The following VMP1 variants were observed in gnomAD, a reference collection of about 807,000 sequenced individuals.
VMP1 encodes ectopic P-granules autophagy protein 3 homolog.
In VMP1, 11 loss-of-function variants were observed where a neutral mutation model predicts 56.0. The observed-to-expected ratio is 0.20, with a 90% CI of 0.12 to 0.32. VMP1 has a LOEUF of 0.32. Ranked by LOEUF, VMP1 falls within the 10% of genes least tolerant of loss-of-function variation. The pLI, the probability that VMP1 is intolerant of heterozygous loss-of-function variation, is 1.00. For synonymous variants in VMP1, 149 were observed against 165.0 expected, an observed-to-expected ratio of 0.90 and a Z score of 0.74; for missense variants, 296 against 490.3, an observed-to-expected ratio of 0.60 and a Z score of 3.74.
chr17:59,716,232 A>G (rs1241546701), intron 1 of VMP1, among the ~76,000 whole-genome samples: 1 of 152,196 alleles, frequency 6.6e-6, no homozygotes, highest in Non-Finnish European at 1.5e-5. Flanking sequence ...TTTAGTGTAC[A>G]CAACAGTCCA....
At chr17:59,837,402 C>T (rs559131957) in intron 10 of VMP1, among the ~76,000 whole-genome samples, 6 of 152,212 alleles carry the variant, frequency 3.9e-5, no homozygotes, top group African/African-American at 1.4e-4. Context: ...TTCTAAGTTG[C>T]CCCAAGCTAC....
At chr17:59,747,801 A>G (rs976948839) in intron 5 of VMP1, among the ~76,000 whole-genome samples, 6 of 151,948 alleles carry the variant, frequency 3.9e-5, no homozygotes, top group Non-Finnish European at 7.4e-5. Context: ...AAGTTGAGGT[A>G]GGAAGACTAC....
intron 10 of VMP1, 81 bp downstream of exon 10, chr17:59,817,854 G>T: frequency 8.8e-7 from 1 of 1,131,272 alleles, no homozygotes; most frequent in South Asian, 1.7e-5. Flanking sequence ...AATTGAAATA[G>T]AATTTTTGAC....
At chr17:59,751,756 A>AG (rs1168163527) in intron 5 of VMP1, among the ~76,000 whole-genome samples, 5 of 151,416 alleles carry the variant, frequency 3.3e-5, no homozygotes, top group African/African-American at 4.8e-5. Flanking sequence ...AAAAAAAAAA[A>AG]AAAAAAAAAA....
chr17:59,789,187 G>A (rs2037124968), intron 7 of VMP1, among the ~76,000 whole-genome samples: 1 of 151,256 alleles, frequency 6.6e-6, no homozygotes, highest in South Asian at 2.1e-4. Flanking sequence ...CTACTCTGGA[G>A]GCTGAGGCAG....
intron 1 of VMP1, among the ~76,000 whole-genome samples, chr17:59,711,211 T>C (rs1243423063): frequency 1.3e-5 from 2 of 152,156 alleles, no homozygotes; most frequent in African/African-American, 4.8e-5. Context: ...TATAGAGCCA[T>C]TTCTCTAGTT....
At chr17:59,793,909 G>A (rs2037329277) in intron 7 of VMP1, among the ~76,000 whole-genome samples, 1 of 150,864 alleles carries the variant, frequency 6.6e-6, no homozygotes, top group Non-Finnish European at 1.5e-5. Context: ...ACAGGCGTGA[G>A]CCACCGCATT....
intron 9 of VMP1, among the ~76,000 whole-genome samples, chr17:59,814,661 A>G (rs2038164791): frequency 2.0e-5 from 3 of 152,206 alleles, no homozygotes; most frequent in Non-Finnish European, 4.4e-5. Flanking sequence ...GTGTTAGAGA[A>G]GGTAAAATAC....
intron 5 of VMP1, among the ~76,000 whole-genome samples, chr17:59,749,099 G>A (rs1309432307): frequency 4.0e-5 from 6 of 150,266 alleles, no homozygotes; most frequent in Non-Finnish European, 7.4e-5. Context: ...ACAGGTGCCC[G>A]CTACTACGCC....
At chr17:59,718,741 A>T (rs966234479) in intron 1 of VMP1, among the ~76,000 whole-genome samples, 1 of 151,856 alleles carries the variant, frequency 6.6e-6, no homozygotes, top group Non-Finnish European at 1.5e-5. Flanking sequence ...TGTGTTTCCC[A>T]GGCTGGTCTG....
chr17:59,778,897 A>G (rs999767338), intron 7 of VMP1, among the ~76,000 whole-genome samples: 5 of 152,200 alleles, frequency 3.3e-5, no homozygotes, highest in Admixed American at 2.6e-4. Context: ...ATGTGGTACC[A>G]TACTCTCACA....
intron 1 of VMP1, among the ~76,000 whole-genome samples, chr17:59,716,408 G>A (rs1038185181): frequency 3.3e-5 from 5 of 152,146 alleles, no homozygotes; most frequent in Admixed American, 3.3e-4. Context: ...TAGTAATGGG[G>A]AACATTTGAA....
chr17:59,762,466 C>T (rs1052594317), intron 5 of VMP1, among the ~76,000 whole-genome samples: 1 of 152,022 alleles, frequency 6.6e-6, no homozygotes, highest in African/African-American at 2.4e-5. Flanking sequence ...AACTTTTAAT[C>T]AAAAATTTTT....
At chr17:59,767,116 A>G (rs184948847) in intron 6 of VMP1, among the ~76,000 whole-genome samples, 2 of 149,948 alleles carry the variant, frequency 1.3e-5, no homozygotes, top group Admixed American at 6.6e-5. Flanking sequence ...TTCTTTTACC[A>G]TTTGAGGTTT....
intron 10 of VMP1, among the ~76,000 whole-genome samples, chr17:59,828,701 TG>T (rs1435989386): frequency 6.6e-6 from 1 of 152,194 alleles, no homozygotes; most frequent in Non-Finnish European, 1.5e-5. Flanking sequence ...TATTTTATGT[TG>T]GGGTGCCATT....
intron 6 of VMP1, among the ~76,000 whole-genome samples, chr17:59,766,466 G>A (rs1323442518): frequency 2.6e-5 from 4 of 151,854 alleles, no homozygotes; most frequent in Non-Finnish European, 5.9e-5. Flanking sequence ...ACCCGCCACC[G>A]CTCTCCAGCC....
intron 7 of VMP1, among the ~76,000 whole-genome samples, chr17:59,778,850 C>G (rs536717360): frequency 6.6e-6 from 1 of 152,114 alleles, no homozygotes; most frequent in Non-Finnish European, 1.5e-5. Flanking sequence ...AACCATAGGT[C>G]GAATTTTGGA....
At chr17:59,760,746 G>T (rs923181331) in intron 5 of VMP1, among the ~76,000 whole-genome samples, 1 of 151,556 alleles carries the variant, frequency 6.6e-6, no homozygotes, top group Admixed American at 6.6e-5. Context: ...TCAGCCTCCC[G>T]AGTAGCTGGG....
intron 7 of VMP1, among the ~76,000 whole-genome samples, chr17:59,806,521 G>A (rs1185211795): frequency 6.6e-6 from 1 of 151,910 alleles, no homozygotes; most frequent in Non-Finnish European, 1.5e-5. Context: ...TTCGAGACCA[G>A]CCTGACAATA....
Sources: gnomAD v4.1 joint callset for allele counts (sites outside exome capture counted in the v4.1 genomes callset) on GRCh38, gnomAD v4.1.1 for gene constraint, MANE v1.5 for transcripts, NCBI Gene and HGNC (gene_info 2026-07-23, HGNC 2026-07-21) for gene names.